The following NDUFA10 variants were observed in gnomAD, a reference collection of about 807,000 sequenced individuals.
The protein encoded by NDUFA10 is NADH:ubiquinone oxidoreductase subunit A10.
In NDUFA10, 40 loss-of-function variants were observed where a neutral mutation model predicts 47.8. That is an observed-to-expected ratio of 0.84 (90% confidence interval 0.65 to 1.09). The LOEUF is 1.09. NDUFA10 is among the 50% of genes least tolerant of loss of function. The probability of loss-of-function intolerance (pLI) is 0.00; values close to 1 mark genes in which losing one functional copy is unlikely to be tolerated. For missense variants in NDUFA10, 413 were observed against 451.1 expected (o/e 0.92, Z 0.76); for synonymous variants, 183 against 172.2 (o/e 1.06, Z -0.49).
chr2:240,011,622 C>G lies in NDUFA10; in HGVS notation c.744G>C (p.Glu248Asp), dbSNP rs1480058269. Residue 248 changes from glutamate (E) to aspartate (D), a missense_variant, in exon 6 of 10, where the codon GAG becomes GAC. Physicochemically the swap from Glu to Asp is conservative, Grantham distance 45. Transcript: ENST00000252711. ...CAGTCGTGTGTTTGGCTCACCTCAT[C>G]TCAGGGAGAAAGGTTTTCTTATAGG... is the stretch of plus-strand genomic sequence containing the variant. ...ENAYKKTFLP[E>D]MSEKCEVLQY... The G allele has an allele frequency of 6.2e-7, 1 of 1,611,134 alleles. No homozygotes were observed. Among genetic ancestry groups the G allele is most frequent in the Admixed American group, 1.7e-5 (1 of 60,008 alleles).
chr2:239,981,697 T>C (rs1296730243), intron 9 of NDUFA10, among the ~76,000 whole-genome samples: 2 of 152,148 alleles, frequency 1.3e-5, no homozygotes. Context: ...ACAATACCCA[T>C]CATAAAACAT....
chr2:239,935,924 C>T (rs761557298), intron 4 of NDUFA10, among the ~76,000 whole-genome samples: 31 of 152,170 alleles, frequency 2.0e-4, no homozygotes, highest in Non-Finnish European at 3.7e-4. Flanking sequence ...TTATTGGCAG[C>T]GTGAAAACAG....
chr2:239,955,670 G>GC (rs1216239626), downstream of NDUFA10, among the ~76,000 whole-genome samples: 1 of 152,190 alleles, frequency 6.6e-6, no homozygotes, highest in African/African-American at 2.4e-5. Context: ...TGGCCATGAG[G>GC]ACTGAGGGGG....
At chr2:239,999,640 C>T (rs143827597) in intron 8 of NDUFA10, among the ~76,000 whole-genome samples, 6 of 152,220 alleles carry the variant, frequency 3.9e-5, no homozygotes, top group African/African-American at 1.4e-4. Flanking sequence ...CAACCCTGCC[C>T]TGCTCTTTAT....
rs1039081779 is a variant in NDUFA10, at chr2:239,987,607, T to C, written c.999+2467A>G. Reference sequence around the variant, plus strand: ...AAAAAAAACAAATAGGTAAAAATGATGATCAAATAAAGACCATTTTAAAAA... The same window carrying C: ...AAAAAAAACAAATAGGTAAAAATGACGATCAAATAAAGACCATTTTAAAAA... On this transcript the variant is annotated intron_variant, in intron 9 of 9. Coordinates refer to ENST00000252711, the MANE Select transcript of NDUFA10 (RefSeq NM_004544.4). The surrounding 1 kb of genome is among the most constrained non-coding windows in gnomAD (Gnocchi z 4.8). 2.0e-5 allele frequency among the ~76,000 whole-genome samples: 3 copies of C among 152,108 alleles called. No homozygotes were observed. The highest frequency in any genetic ancestry group is 1.3e-4 in the Admixed American group (2 of 15,276).
At chr2:239,993,319 C>T (rs1470800947) in intron 8 of NDUFA10, among the ~76,000 whole-genome samples, 1 of 152,190 alleles carries the variant, frequency 6.6e-6, no homozygotes, top group Non-Finnish European at 1.5e-5. Context: ...CCAGCAGTAG[C>T]TAATACTAAC....
intron 9 of NDUFA10, among the ~76,000 whole-genome samples, chr2:239,972,299 T>C (rs1243116936): frequency 6.6e-6 from 1 of 152,060 alleles, no homozygotes; most frequent in African/African-American, 2.4e-5. Flanking sequence ...AACGATTGAG[T>C]GAGGGCCTGT....
intron 8 of NDUFA10, among the ~76,000 whole-genome samples, chr2:240,001,871 C>T (rs913426926): frequency 6.6e-6 from 1 of 152,156 alleles, no homozygotes; most frequent in African/African-American, 2.4e-5. Flanking sequence ...AATTTCTGGT[C>T]GGTCGCCCTG....
intron 9 of NDUFA10, among the ~76,000 whole-genome samples, chr2:239,988,858 GCACACACA>G (rs568778795): frequency 6.6e-6 from 1 of 151,084 alleles, no homozygotes; most frequent in Non-Finnish European, 1.5e-5. Context: ...GGGAGACACA[GCACACACA>G]CTCACACACG....
intron 4 of NDUFA10, among the ~76,000 whole-genome samples, chr2:239,909,920 AAAG>A (rs1693720192): frequency 6.6e-6 from 1 of 152,194 alleles, no homozygotes; most frequent in Non-Finnish European, 1.5e-5. Flanking sequence ...AAGGCAGACA[AAAG>A]AAGACAAACA....
At chr2:239,952,782 C>A (rs1266116675), downstream of NDUFA10, among the ~76,000 whole-genome samples, 1 of 152,214 alleles carries the variant, frequency 6.6e-6, no homozygotes, top group Non-Finnish European at 1.5e-5. Context: ...TGCAGCCAGC[C>A]CACGGCAGAC....
At chr2:239,976,439 C>CT (rs780813474) in intron 9 of NDUFA10, 130 of 152,646 alleles carry the variant, frequency 8.5e-4, no homozygotes, top group Non-Finnish European at 1.2e-3. Flanking sequence ...CCCCAAGACT[C>CT]TACTTGGCAA....
chr2:239,974,553 G>C (rs1014224574), intron 9 of NDUFA10, among the ~76,000 whole-genome samples: 2 of 152,230 alleles, frequency 1.3e-5, no homozygotes, highest in Non-Finnish European at 2.9e-5. Context: ...TCAGAGGTGG[G>C]GCCTGGTGGG....
chr2:239,956,099 G>A (rs1038676662), downstream of NDUFA10, among the ~76,000 whole-genome samples: 2 of 152,104 alleles, frequency 1.3e-5, no homozygotes, highest in African/African-American at 2.4e-5. Flanking sequence ...GGCCATTCCC[G>A]GTACACCCAT....
chr2:240,019,063 C>G (rs1397698612), intron 3 of NDUFA10, among the ~76,000 whole-genome samples: 1 of 152,176 alleles, frequency 6.6e-6, no homozygotes, highest in African/African-American at 2.4e-5. Context: ...CCGACGGACA[C>G]TTGTGCAGCT....
chr2:239,966,464 T>C (rs1695063038), intron 9 of NDUFA10, among the ~76,000 whole-genome samples: 1 of 152,162 alleles, frequency 6.6e-6, no homozygotes, highest in Non-Finnish European at 1.5e-5. Flanking sequence ...TTTGGGAATG[T>C]GGATCTGTAC....
At chr2:239,983,220 C>A (rs114254877) in intron 9 of NDUFA10, among the ~76,000 whole-genome samples, 1 of 152,260 alleles carries the variant, frequency 6.6e-6, no homozygotes, top group East Asian at 1.9e-4. Flanking sequence ...AGCAGCTCTG[C>A]AACCCATGCA....
At chr2:240,008,699 A>C (rs531159110) in intron 6 of NDUFA10, among the ~76,000 whole-genome samples, 5 of 152,368 alleles carry the variant, frequency 3.3e-5, no homozygotes, top group South Asian at 4.1e-4. Flanking sequence ...AGTTTCGTTC[A>C]ACACACATAA....
At chr2:239,954,638 A>G (rs912970222), downstream of NDUFA10, among the ~76,000 whole-genome samples, 8 of 152,218 alleles carry the variant, frequency 5.3e-5, no homozygotes, top group Non-Finnish European at 8.8e-5. Flanking sequence ...GAACACACAC[A>G]ATTTTATTAC....
Sources: allele counts gnomAD v4.1 joint callset (sites outside exome capture counted in the v4.1 genomes callset), GRCh38; gene constraint gnomAD v4.1.1; non-coding constraint Gnocchi (gnomAD v3.1); transcripts MANE v1.5; gene names NCBI Gene and HGNC (gene_info 2026-07-23, HGNC 2026-07-21).